The following GLS variants were observed in gnomAD, a reference collection of about 807,000 sequenced individuals.
GLS encodes glutaminase, also known as glutaminase kidney isoform, mitochondrial.
A neutral mutation model predicts 86.7 loss-of-function variants in GLS; 36 were observed. The observed-to-expected ratio is 0.42, with a 90% CI of 0.32 to 0.55. GLS has a LOEUF of 0.55. Ranked by LOEUF, GLS falls within the 20% of genes least tolerant of loss-of-function variation. GLS has a pLI of 0.17. For missense variants in GLS, 528 were observed against 833.4 expected, an observed-to-expected ratio of 0.63 and a Z score of 4.51; for synonymous variants, 317 against 305.9, an observed-to-expected ratio of 1.04 and a Z score of -0.38.
At chr2:190,945,887 T>G (rs1403719514) in intron 14 of GLS, among the ~76,000 whole-genome samples, 5 of 152,192 alleles carry the variant, frequency 3.3e-5, no homozygotes, top group Admixed American at 3.3e-4. Context: ...TGCATTTGTG[T>G]AAGTTTGGAA....
intron 5 of GLS, among the ~76,000 whole-genome samples, chr2:190,902,744 A>G (rs1688988294): frequency 6.6e-6 from 1 of 152,242 alleles, no homozygotes; most frequent in Non-Finnish European, 1.5e-5. Flanking sequence ...TTATCATCTT[A>G]TAATTTGGTT....
intron 1 of GLS, chr2:190,882,046 T>TA (rs1688220042): frequency 6.6e-6 from 1 of 152,300 alleles, no homozygotes; most frequent in Admixed American, 6.5e-5. Flanking sequence ...CAGGCACGTG[T>TA]AGAGCCATCT....
chr2:190,932,754 A>C, intron 14 of GLS: 1 of 1,603,684 alleles, frequency 6.2e-7, no homozygotes, highest in Non-Finnish European at 8.5e-7. Flanking sequence ...GTCTCCAACA[A>C]GAACTTGCTT....
chr2:190,932,998 T>C, intron 14 of GLS: 1 of 1,200,390 alleles, frequency 8.3e-7, no homozygotes, highest in Non-Finnish European at 1.0e-6. Context: ...AAAGCTTTTT[T>C]TTCCTTTTAA....
Position 190,947,405 on chromosome 2 carries a change from T to C in GLS, c.1651-6160T>C, listed in dbSNP as rs1350082180. Among the ~76,000 whole-genome samples, 1 of 152,224 alleles carries C rather than the reference T, an allele frequency of 6.6e-6. No homozygotes were observed. Among genetic ancestry groups the C allele is most frequent in the African/African-American group, 2.4e-5 (1 of 41,472 alleles). On this transcript the variant is annotated intron_variant, in intron 14 of 17. Coordinates refer to ENST00000320717, the MANE Select transcript of GLS (RefSeq NM_014905.5). The surrounding 1 kb of genome is among the most constrained non-coding windows in gnomAD (Gnocchi z 5.0). ...ATAAACTAAGATAAGATTGTCTGGT[T>C]CGGGCAGATTCTGATAAAGAGACTT...
rs2124948274 is a variant in GLS at position 190,953,545 on chromosome 2, A to G, written c.1651-20A>G. On this transcript the variant is annotated intron_variant, in intron 14 of 17. Transcript: ENST00000320717. The surrounding 1 kb of genome is among the most constrained non-coding windows in gnomAD (Gnocchi z 4.0). ...TGTTTTCTCTCTCCTAAGGATGCCTAAACTTTCTTTTCTTCACAGGTAAAG... is the reference window on the plus strand; with the variant it reads ...TGTTTTCTCTCTCCTAAGGATGCCTGAACTTTCTTTTCTTCACAGGTAAAG... 2 of 1,580,642 alleles carry G rather than the reference A, an allele frequency of 1.3e-6. No individual in the cohort carries two copies. The highest frequency in any genetic ancestry group is 1.7e-6 in the Non-Finnish European group (2 of 1,149,738).
chr2:190,936,396 C>T (rs1360271477), intron 14 of GLS, among the ~76,000 whole-genome samples: 2 of 150,902 alleles, frequency 1.3e-5, no homozygotes, highest in Non-Finnish European at 3.0e-5. Context: ...ATCTATGTAC[C>T]TTAATCTACC....
In GLS at chr2:190,910,244, T is replaced by C. The variant is rs1442914948; in HGVS notation, c.980-19T>C. 8.7e-6 allele frequency: 12 copies of C among 1,378,240 alleles called. No homozygotes were observed. The highest frequency in any genetic ancestry group is 1.2e-5 in the Non-Finnish European group (12 of 977,854). 85.4% of individuals were successfully genotyped at this position (1,378,240 alleles called of 1,614,324 possible). A position where few individuals can be genotyped will look rare whatever the true frequency, so the allele number is the denominator to read the frequency against. On this transcript the variant is annotated intron_variant, in intron 6 of 17. Transcript: ENST00000320717. ...TGTTTAAGTATTTGAAATAATGGTA[T>C]TGCTTTTATATTTTACAGATAAACC... is the stretch of plus-strand genomic sequence containing the variant.
rs1266032419 is a variant in GLS, at chr2:190,935,324, T to TTGTTG, written c.1650+3688_1650+3689insGTTGT. 1 of 321,352 alleles carries TTGTTG rather than the reference T, an allele frequency of 3.1e-6. No individual in the cohort carries two copies. Among genetic ancestry groups the TTGTTG allele is most frequent in the Non-Finnish European group, 4.5e-6 (1 of 223,252 alleles). The allele number at this position is 321,352 out of a possible 1,614,324, so 19.9% of individuals were successfully genotyped here. On this transcript the variant is annotated intron_variant, in intron 14 of 17. Coordinates refer to ENST00000320717, the MANE Select transcript of GLS (RefSeq NM_014905.5). This position sits in a 1 kb window ranked among gnomAD's most constrained non-coding sequence, Gnocchi z 4.2. ...TTTTTTTGTTTTGTTTTGTTTTGTT[T>TTGTTG]TTATAAAAGCAACTTCAACATTTTA...
chr2:190,932,814 C>T, intron 14 of GLS: 1 of 1,604,720 alleles, frequency 6.2e-7, no homozygotes, highest in Non-Finnish European at 8.5e-7. Flanking sequence ...ATGAGGACAT[C>T]TCTACAACTG....
rs532813690 is a variant in GLS, at chr2:190,946,824, C to T, written c.1651-6741C>T. Among the ~76,000 whole-genome samples the T allele has an allele frequency of 6.7e-4, 102 of 152,214 alleles. 1 individual carries two copies. Among genetic ancestry groups the T allele is most frequent in the African/African-American group, 2.4e-3 (100 of 41,540 alleles). ...TGGTTTCCTTCTGTGCTTTGGATAA[C>T]AATCTGAGATCTATTAAGGACTCAC... On this transcript the variant is annotated intron_variant, in intron 14 of 17. Transcript: ENST00000320717.
Position 190,962,901 on chromosome 2 carries a change from A to T in GLS, c.1925A>T (p.Tyr642Phe), listed in dbSNP as rs1257979773. 1.2e-6 allele frequency: 2 copies of T among 1,603,188 alleles called. No homozygotes were observed. Among genetic ancestry groups the T allele is most frequent in the South Asian group, 1.1e-5 (1 of 89,046 alleles). Residue 642 changes from tyrosine (Y) to phenylalanine (F), a missense_variant, in exon 18 of 18, where the codon TAC becomes TTC. Tyr to Phe is a conservative substitution (Grantham distance 22, BLOSUM62 3). Coordinates refer to ENST00000320717, the MANE Select transcript of GLS (RefSeq NM_014905.5). This position sits in a 1 kb window ranked among gnomAD's most constrained non-coding sequence, Gnocchi z 4.2. ...HHDVFKILQE[Y>F]QVQYTPQGDS... ...GATGTATTTAAAATTCTCCAAGAAT[A>T]CCAAGTCCAGTACACACCTCAAGGA...
chr2:190,949,758 T>G lies in GLS; in HGVS notation c.1651-3807T>G, dbSNP rs1393723650. Among the ~76,000 whole-genome samples the G allele has an allele frequency of 6.6e-6, 1 of 152,096 alleles. No homozygotes were observed. Among genetic ancestry groups the G allele is most frequent in the Non-Finnish European group, 1.5e-5 (1 of 68,010 alleles). On this transcript the variant is annotated intron_variant, in intron 14 of 17. Coordinates refer to ENST00000320717, the MANE Select transcript of GLS (RefSeq NM_014905.5). This position sits in a 1 kb window ranked among gnomAD's most constrained non-coding sequence, Gnocchi z 4.0. ...AATTTTGCAATTTAATACCCAAAAT[T>G]GAATATTTGATGCCTTGAGGGAGAA...
intron 14 of GLS, among the ~76,000 whole-genome samples, chr2:190,948,531 T>C (rs745998213): frequency 2.0e-5 from 3 of 152,198 alleles, no homozygotes; most frequent in Non-Finnish European, 4.4e-5. Flanking sequence ...ATTCAAAATT[T>C]TAAAGGGGAA....
Position 190,910,215 on chromosome 2 carries a change from CAAGT to C in GLS, c.980-47_980-44del, listed in dbSNP as rs1168057591. The stretch of plus-strand genomic sequence containing the variant: ...TCATTTTTAGTATAGTAATATTACT[CAAGT>C]GTTTAAGTATTTGAAATAATGGTAT... On this transcript the variant is annotated intron_variant, in intron 6 of 17. Coordinates refer to ENST00000320717, the MANE Select transcript of GLS (RefSeq NM_014905.5). 2.8e-6 allele frequency: 3 copies of C among 1,053,242 alleles called. No individual in the cohort carries two copies. The African/African-American group carries it at 4.8e-5, about 17-fold the overall frequency. 65.2% of individuals were successfully genotyped at this position (1,053,242 alleles called of 1,614,324 possible).
chr2:190,917,079 A>T (rs184879356), intron 7 of GLS, among the ~76,000 whole-genome samples: 1 of 152,344 alleles, frequency 6.6e-6, no homozygotes, highest in East Asian at 1.9e-4. Flanking sequence ...TCTTACTTTT[A>T]TGAAAGATTT....
At chr2:190,923,274 C>T (rs1200303398) in intron 9 of GLS, among the ~76,000 whole-genome samples, 1 of 152,132 alleles carries the variant, frequency 6.6e-6, no homozygotes, top group Non-Finnish European at 1.5e-5. Flanking sequence ...TATTTGGCAT[C>T]TATTGGTTTT....
intron 14 of GLS, among the ~76,000 whole-genome samples, chr2:190,937,367 A>G (rs535226762): frequency 6.6e-6 from 1 of 151,474 alleles, no homozygotes; most frequent in Admixed American, 6.6e-5. Flanking sequence ...ATACCATAAA[A>G]TGCACATGAC....
chr2:190,930,563 T>C lies in GLS; in HGVS notation c.1552T>C (p.Cys518Arg). 6.2e-7 allele frequency: 1 copy of C among 1,608,348 alleles called. No individual in the cohort carries two copies. The highest frequency in any genetic ancestry group is 8.5e-7 in the Non-Finnish European group (1 of 1,177,844). The part of the protein sequence containing the change: ...MGNSVKGIHF[C>R]HDLVSLCNFH... Reference sequence around the variant, plus strand: ...CAACAGTGTTAAGGGAATTCACTTTTGTCACGTAAGCATATTTTCTTAATG... The same window carrying C: ...CAACAGTGTTAAGGGAATTCACTTTCGTCACGTAAGCATATTTTCTTAATG... The change falls in exon 13 of 18, where the codon TGT becomes CGT. Residue 518 changes from cysteine to arginine, a missense_variant. This residue lies in a region of GLS where 163 missense variants were observed against 429.2 expected (regional missense o/e 0.38). Transcript: ENST00000320717. The surrounding 1 kb of genome is among the most constrained non-coding windows in gnomAD (Gnocchi z 5.0).
Sources: gnomAD v4.1 joint callset for allele counts (sites outside exome capture counted in the v4.1 genomes callset) on GRCh38, gnomAD v4.1.1 for gene constraint, gnomAD v4.1.1 regional missense constraint, Gnocchi (gnomAD v3.1) non-coding constraint, MANE v1.5 for transcripts, NCBI Gene and HGNC (gene_info 2026-07-23, HGNC 2026-07-21) for gene names.